The following LSS variants were observed in gnomAD, a reference collection of about 807,000 sequenced individuals.
LSS encodes 2,3-epoxysqualene-lanosterol cyclase.
LSS carries 90 observed loss-of-function variants against 110.3 expected under a neutral mutation model. The observed-to-expected ratio is 0.82, with a 90% confidence interval of 0.69 to 0.97. The LOEUF is 0.97. LSS is among the 50% of genes least tolerant of loss of function. The pLI is 0.00. For synonymous variants in LSS, 433 were observed against 400.0 expected, an observed-to-expected ratio of 1.08 and a Z score of -0.98; for missense variants, 927 against 990.0, an observed-to-expected ratio of 0.94 and a Z score of 0.85.
At position 46,215,731 on chromosome 21, in the gene LSS, G is replaced by A. The variant is rs114975335; in HGVS notation, c.846C>T (p.Pro282=). ...DWLAQRNNVA[P]DELYTPHSWL... ...AGCTGTGCGGCGTGTACAGCTCGTC[G>A]GGGGCCACGTTGTTCCTCTGCGCCA... The change falls in exon 8 of 22, where the codon CCC becomes CCT. Residue 282 remains proline, a synonymous_variant. Coordinates refer to ENST00000397728, the MANE Select transcript of LSS (RefSeq NM_002340.6). The A allele has an allele frequency of 1.8e-3, 2,883 of 1,612,450 alleles. 37 individuals are homozygous for A. The African/African-American group carries it at 0.031, about 17-fold the overall frequency.
At chr21:46,199,810 G>A (rs1453039578) in intron 17 of LSS, among the ~76,000 whole-genome samples, 5 of 152,202 alleles carry the variant, frequency 3.3e-5, no homozygotes, top group Non-Finnish European at 7.3e-5. Context: ...TCTGGAGGCG[G>A]GGACAGCGCA....
chr21:46,219,682 G>A (rs745894628), intron 5 of LSS, 110 bp from the exon 6 acceptor site: 21 of 606,852 alleles, frequency 3.5e-5, no homozygotes, highest in Non-Finnish European at 5.5e-5. Flanking sequence ...CCCTCTCCAT[G>A]AGGCAAGGGC....
In LSS at chr21:46,191,936, T is replaced by C. The variant is rs1427455354; in HGVS notation, c.2012A>G (p.Glu671Gly). 3.7e-6 allele frequency: 6 copies of C among 1,613,706 alleles called. No individual in the cohort carries two copies. Among genetic ancestry groups the C allele is most frequent in the Non-Finnish European group, 5.1e-6 (6 of 1,179,896 alleles). Reference sequence around the variant, plus strand: ...CTCAAGTAGACACCGGACTCCTCTCTCCTGGGCCTCGATGTCAGGATGCCT... The same window carrying C: ...CTCAAGTAGACACCGGACTCCTCTCCCCTGGGCCTCGATGTCAGGATGCCT... Reference protein sequence around the residue: ...AVRHPDIEAQERGVRCLLEKQ... With the variant: ...AVRHPDIEAQGRGVRCLLEKQ... Residue 671 changes from glutamate to glycine, a missense_variant, in exon 21 of 22, where the codon GAG becomes GGG. Physicochemically the swap from Glu to Gly is moderately conservative, Grantham distance 98. Coordinates refer to ENST00000397728, the MANE Select transcript of LSS (RefSeq NM_002340.6).
chr21:46,220,755 A>ATGGAGAGGTAGCCAGGGGCT (rs1334473055), intron 5 of LSS, among the ~76,000 whole-genome samples: 1 of 135,800 alleles, frequency 7.4e-6, no homozygotes, highest in African/African-American at 3.5e-5. Flanking sequence ...CAGGCCGGGC[A>ATGGAGAGGTAGCCAGGGGCT]TGGAGAGGTA....
At chr21:46,196,377 C>A in intron 17 of LSS, 110 bp from the exon 18 acceptor site, 3 of 890,270 alleles carry the variant, frequency 3.4e-6, no homozygotes, top group Non-Finnish European at 5.5e-6. Context: ...CCCTTAAAAA[C>A]CACATAAAAA....
At chr21:46,192,126 T>A (rs2079825302) in intron 20 of LSS, 167 bp from the exon 21 acceptor site, 1 of 642,060 alleles carries the variant, frequency 1.6e-6, no homozygotes, top group Admixed American at 2.3e-5. Context: ...CGCCTCGGGC[T>A]CTTGCCACAC....
chr21:46,192,652 C>T (rs1306119369), intron 20 of LSS: 1 of 449,952 alleles, frequency 2.2e-6, no homozygotes, highest in Non-Finnish European at 4.4e-6. Context: ...TGCACAGGTG[C>T]CTGTGCATGT....
At chr21:46,198,077 G>A (rs2079932422) in intron 17 of LSS, among the ~76,000 whole-genome samples, 1 of 152,034 alleles carries the variant, frequency 6.6e-6, no homozygotes, top group African/African-American at 2.4e-5. Context: ...ACCAGCCTGG[G>A]CAACAGAGCA....
In LSS at chr21:46,191,126, C is replaced by G. The variant is rs756224647; in HGVS notation, c.2177G>C (p.Arg726Thr). The change falls in exon 22 of 22, where the codon AGA becomes ACA. Residue 726 changes from arginine to threonine, a missense_variant. Arg to Thr is a moderately conservative substitution (Grantham distance 71). Coordinates refer to ENST00000397728, the MANE Select transcript of LSS (RefSeq NM_002340.6). ...LGRFSQLYPE[R>T]ALAGHP ...TTCTCAGGGGTGGCCAGCAAGGGCT[C>G]TCTCAGGGTACAGCTGGGAGAAGCG... is the stretch of plus-strand genomic sequence containing the variant. The G allele has an allele frequency of 5.6e-6, 9 of 1,614,152 alleles. No individual in the cohort carries two copies. The Admixed American group carries it at 1.5e-4, about 27-fold the overall frequency.
intron 12 of LSS, 119 bp downstream of exon 12, chr21:46,210,569 C>A: frequency 9.8e-7 from 1 of 1,019,054 alleles, no homozygotes; most frequent in South Asian, 1.4e-5. Flanking sequence ...GAGCCCAGGT[C>A]ACTGGAAGTA....
At chr21:46,210,378 G>A (rs1157997960) in intron 12 of LSS, among the ~76,000 whole-genome samples, 1 of 151,996 alleles carries the variant, frequency 6.6e-6, no homozygotes, top group Non-Finnish European at 1.5e-5. Context: ...AGCAGTTCCA[G>A]TTCTAAGAAG....
chr21:46,212,540 G>A (rs919848774), intron 11 of LSS, among the ~76,000 whole-genome samples: 14 of 152,186 alleles, frequency 9.2e-5, no homozygotes, highest in Non-Finnish European at 1.9e-4. Context: ...CTTGTGCTTG[G>A]TGCCCCTCAT....
At chr21:46,221,129 G>A (rs1275193936) in intron 5 of LSS, among the ~76,000 whole-genome samples, 4 of 147,678 alleles carry the variant, frequency 2.7e-5, no homozygotes, top group Admixed American at 6.7e-5. Context: ...ACAGCCCGGG[G>A]CTTGGAGAGG....
In LSS at chr21:46,188,482, T is replaced by C. The variant is rs1162259802; in HGVS notation, c.*2622A>G. On this transcript the variant is annotated 3_prime_UTR_variant, in exon 22 of 22. Transcript: ENST00000397728. ...TGATTTTTAATCACACTGAGGCAAA[T>C]ATCCCCCTCAGACAGAGGCTGCACC... 1.2e-5 allele frequency: 4 copies of C among 323,144 alleles called. No homozygotes were observed. Among genetic ancestry groups the C allele is most frequent in the African/African-American group, 6.5e-5 (3 of 46,102 alleles). 20.0% of individuals were successfully genotyped at this position (323,144 alleles called of 1,614,324 possible). A position where few individuals can be genotyped will look rare whatever the true frequency, so the allele number is the denominator to read the frequency against.
chr21:46,217,135 T>A (rs1405436929), intron 6 of LSS, among the ~76,000 whole-genome samples: 1 of 149,994 alleles, frequency 6.7e-6, no homozygotes. Flanking sequence ...TAGTCCCAGC[T>A]ACTCGGGAGG....
intron 2 of LSS, 26 bp from the exon 3 acceptor site, chr21:46,227,716 A>T: frequency 7.7e-7 from 1 of 1,299,102 alleles, no homozygotes; most frequent in Non-Finnish European, 1.1e-6. Flanking sequence ...AAAAAAAAAA[A>T]AGAGATAGCT....
intron 17 of LSS, among the ~76,000 whole-genome samples, chr21:46,199,495 G>A (rs371839451): frequency 2.0e-5 from 3 of 152,272 alleles, no homozygotes; most frequent in South Asian, 2.1e-4. Flanking sequence ...ATAGGATCCC[G>A]CAATCATGCT....
chr21:46,218,956 A>G (rs2080240575), intron 6 of LSS, among the ~76,000 whole-genome samples: 1 of 151,964 alleles, frequency 6.6e-6, no homozygotes, highest in Non-Finnish European at 1.5e-5. Flanking sequence ...CGATCCCTTG[A>G]CCTCGTGATC....
chr21:46,195,528 T>C (rs1168236715), intron 19 of LSS, 148 bp downstream of exon 19: 2 of 746,730 alleles, frequency 2.7e-6, no homozygotes, highest in East Asian at 2.6e-5. Flanking sequence ...TGCCACTGCA[T>C]GTCAGCCCGG....
Sources: gnomAD v4.1 joint callset for allele counts (sites outside exome capture counted in the v4.1 genomes callset) on GRCh38, gnomAD v4.1.1 for gene constraint, MANE v1.5 for transcripts, NCBI Gene and HGNC (gene_info 2026-07-23, HGNC 2026-07-21) for gene names.